The following DMD variants were observed in gnomAD, a reference collection of about 807,000 sequenced individuals.
DMD encodes dystrophin, also known as mutant dystrophin.
Under a neutral mutation model 330.1 loss-of-function variants are expected in DMD, and 63 were observed. The ratio of observed to expected loss-of-function variants is 0.19; its 90% CI spans 0.16 to 0.24. The LOEUF is 0.24. Ranked by LOEUF, DMD falls within the 10% of genes least tolerant of loss-of-function variation. The pLI is 1.00. For missense variants in DMD, 3,344 were observed against 2,684.1 expected (o/e 1.25, Z -5.43); for synonymous variants, 1,223 against 959.8 (o/e 1.27, Z -5.07).
At chrX:32,650,076 C>T (rs2060047264) in intron 9 of DMD, among the ~76,000 whole-genome samples, 1 of 111,208 alleles carries the variant, frequency 9.0e-6, no homozygotes, top group African/African-American at 3.3e-5. Context: ...GCAATTCAAA[C>T]TGAGATAAGT....
chrX:32,733,088 A>T (rs1476467107), intron 7 of DMD, among the ~76,000 whole-genome samples: 9 of 107,821 alleles, frequency 8.3e-5, no homozygotes, highest in Non-Finnish European at 1.5e-4. Flanking sequence ...CAAATGGAAA[A>T]CAAAAAAAGG....
intron 15 of DMD, among the ~76,000 whole-genome samples, chrX:32,571,085 T>G (rs1011174159): frequency 1.8e-5 from 2 of 111,638 alleles, no homozygotes; most frequent in African/African-American, 3.3e-5. Flanking sequence ...GGCAGGCTTG[T>G]GACTTTTTCA....
intron 55 of DMD, among the ~76,000 whole-genome samples, chrX:31,623,639 G>GTC (rs781105862): frequency 1.8e-5 from 2 of 111,739 alleles, no homozygotes; most frequent in African/African-American, 3.2e-5. Flanking sequence ...TATGAAACTT[G>GTC]TCTCTCTGGA....
intron 62 of DMD, among the ~76,000 whole-genome samples, chrX:31,272,034 T>C (rs1046281799): frequency 1.8e-5 from 2 of 111,446 alleles, no homozygotes; most frequent in African/African-American, 6.5e-5. Context: ...TTCCAGGCCC[T>C]GTCTCTTTAG....
chrX:33,316,969 A>G (rs1469680795), intron 1 of DMD, among the ~76,000 whole-genome samples: 1 of 111,236 alleles, frequency 9.0e-6, no homozygotes, highest in Non-Finnish European at 1.9e-5. Context: ...TTTTTGGGGA[A>G]TAATAGTAAA....
chrX:32,694,651 A>T (rs1569463974), intron 9 of DMD, among the ~76,000 whole-genome samples: 1 of 110,573 alleles, frequency 9.0e-6, no homozygotes, highest in Non-Finnish European at 1.9e-5. Context: ...CATACCATTT[A>T]TTTTTTTTAT....
At chrX:32,028,210 T>C (rs763391600) in intron 44 of DMD, among the ~76,000 whole-genome samples, 24 of 111,573 alleles carry the variant, frequency 2.2e-4, no homozygotes, top group African/African-American at 7.8e-4. Flanking sequence ...GGTGGTGCCA[T>C]TGTCTGAAAC....
At chrX:33,102,000 A>C (rs2095243829) in intron 1 of DMD, among the ~76,000 whole-genome samples, 1 of 111,931 alleles carries the variant, frequency 8.9e-6, no homozygotes. Context: ...TTTATTCCAA[A>C]TGATTTCAAG....
intron 1 of DMD, among the ~76,000 whole-genome samples, chrX:33,249,268 A>G (rs766215875): frequency 4.5e-5 from 5 of 111,715 alleles, no homozygotes; most frequent in Non-Finnish European, 9.4e-5. Flanking sequence ...CTCCTGCCTC[A>G]GCCTCCCTAG....
At chrX:31,560,564 C>T (rs1000199587) in intron 55 of DMD, among the ~76,000 whole-genome samples, 4 of 110,888 alleles carry the variant, frequency 3.6e-5, no homozygotes, top group Non-Finnish European at 7.6e-5. Flanking sequence ...AGGGACATTT[C>T]AAAATAGACA....
intron 21 of DMD, among the ~76,000 whole-genome samples, chrX:32,480,933 A>T (rs1010586619): frequency 9.0e-6 from 1 of 111,115 alleles, no homozygotes; most frequent in Non-Finnish European, 1.9e-5. Context: ...ACTGGAACAA[A>T]ACATTCCTTT....
At chrX:31,716,911 T>C (rs931858274) in intron 52 of DMD, among the ~76,000 whole-genome samples, 5 of 110,007 alleles carry the variant, frequency 4.5e-5, no homozygotes, top group African/African-American at 1.3e-4. Context: ...ACTCCAAATG[T>C]AGCCTCCTTT....
chrX:33,202,783 A>C (rs2051351373), intron 1 of DMD, among the ~76,000 whole-genome samples: 2 of 111,782 alleles, frequency 1.8e-5, no homozygotes, highest in African/African-American at 3.2e-5. Context: ...AACTTTCTTG[A>C]TATTTTATAG....
chrX:31,636,069 G>A lies in DMD; in HGVS notation c.8028-8207C>T, dbSNP rs768337983. On this transcript the variant is annotated intron_variant, in intron 54 of 78. Coordinates refer to ENST00000357033, the MANE Select transcript of DMD (RefSeq NM_004006.3). The stretch of plus-strand genomic sequence containing the variant: ...ATCATGGATGGAGCTGCAGGCCATT[G>A]TCCTTAGCAAACTAATGCAGGAACA... Among the ~76,000 whole-genome samples the A allele has an allele frequency of 2.1e-4, 24 of 111,911 alleles. No individual in the cohort carries two copies. In the South Asian group the frequency reaches 9.0e-3, roughly 42 times the overall value.
chrX:32,507,938 T>G (rs1017782507), intron 18 of DMD, among the ~76,000 whole-genome samples: 4 of 110,936 alleles, frequency 3.6e-5, no homozygotes, highest in African/African-American at 6.6e-5. Context: ...AATTTCAGCT[T>G]TCTTTCAGAC....
At chrX:33,146,830 T>G (rs2048055174) in intron 1 of DMD, among the ~76,000 whole-genome samples, 1 of 110,233 alleles carries the variant, frequency 9.1e-6, no homozygotes. Flanking sequence ...TAAATCTTTT[T>G]TTTTTCTTTT....
intron 42 of DMD, among the ~76,000 whole-genome samples, chrX:32,292,910 G>A (rs1378466680): frequency 8.9e-6 from 1 of 112,365 alleles, no homozygotes; most frequent in African/African-American, 3.2e-5. Context: ...AAAAGCAACT[G>A]TGTTCTCGTG....
intron 4 of DMD, among the ~76,000 whole-genome samples, chrX:32,842,843 T>C (rs1333402837): frequency 1.8e-5 from 2 of 111,241 alleles, no homozygotes; most frequent in African/African-American, 6.5e-5. Context: ...AATCTCGCTC[T>C]GCCTCCCAGG....
chrX:31,140,133 C>T (rs1412630687), intron 76 of DMD, among the ~76,000 whole-genome samples: 1 of 112,390 alleles, frequency 8.9e-6, no homozygotes, highest in Admixed American at 9.4e-5. Context: ...TGAAATATAA[C>T]GATGGTTTCA....
Sources: allele counts gnomAD v4.1 joint callset (sites outside exome capture counted in the v4.1 genomes callset), GRCh38; gene constraint gnomAD v4.1.1; transcripts MANE v1.5; gene names NCBI Gene and HGNC (gene_info 2026-07-23, HGNC 2026-07-21).